GRM3: variants seen among roughly 807,000 people sequenced by gnomAD.
GRM3 encodes the protein metabotropic glutamate receptor 3.
GRM3 carries 26 observed loss-of-function variants against 70.5 expected under a neutral mutation model. The ratio of observed to expected loss-of-function variants is 0.37; its 90% CI spans 0.27 to 0.51. The LOEUF (loss-of-function observed/expected upper bound fraction) is 0.51. GRM3 is among the 20% of genes least tolerant of loss of function. The pLI, the probability that GRM3 is intolerant of heterozygous loss-of-function variation, is 0.93. For synonymous variants in GRM3, 443 were observed against 434.9 expected, an observed-to-expected ratio of 1.02 and a Z score of -0.23; for missense variants, 859 against 1,123.8, an observed-to-expected ratio of 0.76 and a Z score of 3.37.
chr7:86,808,913 C>A (rs778204618), intron 3 of GRM3, among the ~76,000 whole-genome samples: 42 of 150,830 alleles, frequency 2.8e-4, no homozygotes, highest in Admixed American at 2.0e-4. Flanking sequence ...GTGGTGAGAG[C>A]CTTGTAAGGA....
intron 3 of GRM3, among the ~76,000 whole-genome samples, chr7:86,828,664 A>T (rs1653517026): frequency 6.6e-6 from 1 of 152,190 alleles, no homozygotes; most frequent in Admixed American, 6.5e-5. Context: ...CTTTTTGCTG[A>T]TTGACGGTCT....
intron 4 of GRM3, among the ~76,000 whole-genome samples, chr7:86,849,963 T>C (rs1372272010): frequency 6.6e-6 from 1 of 152,160 alleles, no homozygotes; most frequent in African/African-American, 2.4e-5. Context: ...TTGTTTATAA[T>C]AACCTTAAAT....
intron 1 of GRM3, among the ~76,000 whole-genome samples, chr7:86,751,189 T>C (rs1263048692): frequency 1.3e-5 from 2 of 152,098 alleles, no homozygotes; most frequent in African/African-American, 4.8e-5. Context: ...TCTTAAGCTC[T>C]GCCATGCAGT....
chr7:86,665,329 G>T (rs115120051), intron 1 of GRM3, among the ~76,000 whole-genome samples: 2,008 of 151,956 alleles, frequency 0.013, 39 homozygotes, highest in African/African-American at 0.046. Context: ...TCACAATGTT[G>T]CTCACATGAA....
At chr7:86,730,633 T>C (rs1405979599) in intron 1 of GRM3, among the ~76,000 whole-genome samples, 5 of 152,204 alleles carry the variant, frequency 3.3e-5, no homozygotes, top group Non-Finnish European at 7.4e-5. Flanking sequence ...AATAATTACG[T>C]AACAATTATT....
chr7:86,789,121 G>A (rs1797343014), intron 3 of GRM3, among the ~76,000 whole-genome samples: 1 of 152,142 alleles, frequency 6.6e-6, no homozygotes, highest in Non-Finnish European at 1.5e-5. Context: ...GTTTGGCTGT[G>A]CAAACCTGAC....
At position 86,786,053 on chromosome 7, in the gene GRM3, C is replaced by T. The variant is rs541355914; in HGVS notation, c.469-208C>T. 19 of 598,356 alleles carry T rather than the reference C, an allele frequency of 3.2e-5. 1 individual carries two copies. In the South Asian group the frequency reaches 3.4e-4, roughly 11 times the overall value. The allele number at this position is 598,356 out of a possible 1,614,324, so 37.1% of individuals were successfully genotyped here. ...ACTCTGCCCTTTCCTGAAGCACACA[C>T]TACCTGTGTGAGACCTGCTTCCTAG... On this transcript the variant is annotated intron_variant, in intron 2 of 5. Transcript: ENST00000361669. This position sits in a 1 kb window ranked among gnomAD's most constrained non-coding sequence, Gnocchi z 6.0.
At chr7:86,760,700 T>C (rs1796458015) in intron 1 of GRM3, among the ~76,000 whole-genome samples, 1 of 152,138 alleles carries the variant, frequency 6.6e-6, no homozygotes, top group African/African-American at 2.4e-5. Context: ...GTGCTAATTG[T>C]CTCTGATTAT....
intron 3 of GRM3, among the ~76,000 whole-genome samples, chr7:86,825,528 T>G (rs1404600347): frequency 6.6e-6 from 1 of 152,192 alleles, no homozygotes; most frequent in Non-Finnish European, 1.5e-5. Flanking sequence ...GGAGAAGTCA[T>G]TTATTTTACC....
intron 1 of GRM3, among the ~76,000 whole-genome samples, chr7:86,729,944 A>G (rs949506949): frequency 5.3e-5 from 8 of 151,964 alleles, no homozygotes; most frequent in Non-Finnish European, 1.2e-4. Flanking sequence ...TGTCTCTACT[A>G]AAATTACAAA....
At chr7:86,782,294 C>A (rs963775702) in intron 2 of GRM3, among the ~76,000 whole-genome samples, 1 of 150,206 alleles carries the variant, frequency 6.7e-6, no homozygotes, top group South Asian at 2.1e-4. Flanking sequence ...GAATTCATTA[C>A]TGGGGACAAA....
At chr7:86,771,554 C>T (rs1275769367) in intron 2 of GRM3, among the ~76,000 whole-genome samples, 1 of 151,808 alleles carries the variant, frequency 6.6e-6, no homozygotes, top group Non-Finnish European at 1.5e-5. Context: ...TTCCATAGAA[C>T]ATTATTCTAT....
rs190483764 is a variant in GRM3, at chr7:86,804,681, G to T, written c.1324+17565G>T. 2.0e-5 allele frequency among the ~76,000 whole-genome samples: 3 copies of T among 152,284 alleles called. No individual in the cohort carries two copies. The East Asian group carries it at 5.8e-4, about 29-fold the overall frequency. On this transcript the variant is annotated intron_variant, in intron 3 of 5. Coordinates refer to ENST00000361669, the MANE Select transcript of GRM3 (RefSeq NM_000840.3). Reference sequence around the variant, plus strand: ...CCGCCTTGGCCTCCCAAAGTGCTGGGATTATAGGTGTGAACCACTGCACCT... The same window carrying T: ...CCGCCTTGGCCTCCCAAAGTGCTGGTATTATAGGTGTGAACCACTGCACCT...
intron 1 of GRM3, among the ~76,000 whole-genome samples, chr7:86,671,034 A>G (rs181291974): frequency 6.6e-6 from 1 of 152,216 alleles, no homozygotes; most frequent in African/African-American, 2.4e-5. Context: ...TGAAATATGA[A>G]ACACATTTTT....
At chr7:86,707,339 A>G (rs1795083068) in intron 1 of GRM3, among the ~76,000 whole-genome samples, 1 of 152,048 alleles carries the variant, frequency 6.6e-6, no homozygotes, top group Non-Finnish European at 1.5e-5. Flanking sequence ...TCTAAATCTT[A>G]GTGTTGTCCT....
chr7:86,763,366 C>T (rs770749998), intron 1 of GRM3, among the ~76,000 whole-genome samples: 9 of 152,072 alleles, frequency 5.9e-5, no homozygotes, highest in Non-Finnish European at 8.8e-5. Flanking sequence ...GAAAATAATA[C>T]GTTCATCTTA....
rs554001812 is a variant in GRM3 at position 86,826,056 on chromosome 7, A to G, written c.1325-12783A>G. On this transcript the variant is annotated intron_variant, in intron 3 of 5. Transcript: ENST00000361669. ...TTTCTAGCCAACTTTGTTTGGGGAA[A>G]GCCTTTTTGCCCCTTTTTAAGACAT... 2.6e-5 allele frequency among the ~76,000 whole-genome samples: 4 copies of G among 152,330 alleles called. No individual in the cohort carries two copies. The East Asian group carries it at 7.7e-4, about 29-fold the overall frequency.
chr7:86,770,883 CT>C (rs895043566), intron 2 of GRM3, among the ~76,000 whole-genome samples: 2 of 152,024 alleles, frequency 1.3e-5, no homozygotes, highest in African/African-American at 4.8e-5. Context: ...GGCACTATTG[CT>C]GTTTTGGGCT....
chr7:86,726,216 T>C (rs762954372), intron 1 of GRM3, among the ~76,000 whole-genome samples: 9 of 152,206 alleles, frequency 5.9e-5, no homozygotes, highest in African/African-American at 2.2e-4. Context: ...TTTACAATCA[T>C]GACTAAGTAT....
Sources: allele counts gnomAD v4.1 joint callset (sites outside exome capture counted in the v4.1 genomes callset), GRCh38; gene constraint gnomAD v4.1.1; non-coding constraint Gnocchi (gnomAD v3.1); transcripts MANE v1.5; gene names NCBI Gene and HGNC (gene_info 2026-07-23, HGNC 2026-07-21).